The following MAPK8IP3 variants were observed in gnomAD, a reference collection of about 807,000 sequenced individuals.
The protein encoded by MAPK8IP3 is C-Jun-amino-terminal kinase-interacting protein 3.
In MAPK8IP3, 49 loss-of-function variants were observed where a neutral mutation model predicts 157.8. The observed-to-expected ratio is 0.31, with a 90% CI of 0.25 to 0.39. MAPK8IP3 has a LOEUF of 0.39. MAPK8IP3 is among the 10% of genes least tolerant of loss of function. The pLI is 1.00. For missense variants in MAPK8IP3, 1,478 were observed against 1,889.4 expected (o/e 0.78, Z 4.04); for synonymous variants, 897 against 777.7 (o/e 1.15, Z -2.55).
At chr16:1,761,686 C>T (rs1042899001) in intron 13 of MAPK8IP3, among the ~76,000 whole-genome samples, 2 of 150,852 alleles carry the variant, frequency 1.3e-5, no homozygotes, top group East Asian at 1.9e-4. Flanking sequence ...ACAGGCGGGG[C>T]GGCCACCATT....
At position 1,748,308 on chromosome 16, in the gene MAPK8IP3, C is replaced by T. The variant is rs772637865; in HGVS notation, c.1059C>T (p.Asp353=). ...TTATTGACTCCACGCCAGAGCTGGA[C>T]ATGTGTCCAGAGACCCGCCTGGACC... ...QDIIDSTPEL[D]MCPETRLDRT... The change falls in exon 7 of 32, where the codon GAC becomes GAT. Residue 353 remains aspartate, a synonymous_variant. Coordinates refer to ENST00000610761, the MANE Select transcript of MAPK8IP3 (RefSeq NM_001318852.2). 1.2e-6 allele frequency: 2 copies of T among 1,613,958 alleles called. No homozygotes were observed. Among genetic ancestry groups the T allele is most frequent in the Non-Finnish European group, 1.7e-6 (2 of 1,180,026 alleles).
chr16:1,739,459 AGCTT>A (rs1567172806), intron 4 of MAPK8IP3, among the ~76,000 whole-genome samples: 3 of 106,594 alleles, frequency 2.8e-5, no homozygotes, highest in East Asian at 6.4e-4. Flanking sequence ...CGTCCGTGTG[AGCTT>A]CCGTGTGACC....
At chr16:1,737,587 AGCATCCGTGT>A (rs2040089897) in intron 4 of MAPK8IP3, among the ~76,000 whole-genome samples, 1 of 68,542 alleles carries the variant, frequency 1.5e-5, no homozygotes. Flanking sequence ...ACCGTCCGTG[AGCATCCGTGT>A]GAGCGTGTGA....
chr16:1,759,029 T>A (rs777939869), intron 10 of MAPK8IP3, 34 bp downstream of exon 10: 1 of 1,613,308 alleles, frequency 6.2e-7, no homozygotes, highest in Admixed American at 1.7e-5. Context: ...CGTGCGTCGC[T>A]CCTCCACCCC....
At chr16:1,719,884 A>C (rs1258259893) in intron 1 of MAPK8IP3, among the ~76,000 whole-genome samples, 1 of 152,108 alleles carries the variant, frequency 6.6e-6, no homozygotes, top group Non-Finnish European at 1.5e-5. Flanking sequence ...AAAAGAAAGA[A>C]ATGTTGAGAG....
At chr16:1,730,123 C>T (rs2039206632) in intron 4 of MAPK8IP3, among the ~76,000 whole-genome samples, 1 of 151,510 alleles carries the variant, frequency 6.6e-6, no homozygotes, top group African/African-American at 2.4e-5. Context: ...GACATACTGC[C>T]TCAAATAACT....
chr16:1,736,977 C>T (rs1596639763), intron 4 of MAPK8IP3, among the ~76,000 whole-genome samples: 1 of 60,854 alleles, frequency 1.6e-5, no homozygotes, highest in Admixed American at 2.6e-4. Context: ...TGTGACCGTC[C>T]GTGTGAGCAT....
At chr16:1,755,992 C>A (rs1424851909) in intron 8 of MAPK8IP3, among the ~76,000 whole-genome samples, 3 of 151,956 alleles carry the variant, frequency 2.0e-5, no homozygotes, top group Non-Finnish European at 4.4e-5. Context: ...ATAAGACAAT[C>A]GAGGCTGACT....
At chr16:1,732,427 T>C (rs886708269) in intron 4 of MAPK8IP3, among the ~76,000 whole-genome samples, 2 of 152,184 alleles carry the variant, frequency 1.3e-5, no homozygotes, top group Non-Finnish European at 1.5e-5. Context: ...ACGTTCTGGA[T>C]GATACAGAAG....
At chr16:1,765,903 A>G (rs1178059714) in intron 20 of MAPK8IP3, 57 bp from the exon 21 acceptor site, 1 of 1,488,466 alleles carries the variant, frequency 6.7e-7, no homozygotes, top group African/African-American at 1.4e-5. Flanking sequence ...AGTGCTGGGC[A>G]CGCCCTTGCA....
Position 1,770,303 on chromosome 16 carries a change from T to C in MAPK8IP3, c.*1479T>C, listed in dbSNP as rs577337507. On this transcript the variant is annotated 3_prime_UTR_variant, in exon 32 of 32. Transcript: ENST00000610761. ...ACATATCTGCTCTGTATGTAATAAA[T>C]GTCTTAACGTCGTAGCTGCCTGTTC... The C allele has an allele frequency of 7.8e-6, 2 of 256,010 alleles. No homozygotes were observed. 15.9% of individuals were successfully genotyped at this position (256,010 alleles called of 1,614,324 possible). A position where few individuals can be genotyped will look rare whatever the true frequency, so the allele number is the denominator to read the frequency against.
chr16:1,762,569 T>C (rs999507742), intron 14 of MAPK8IP3, 88 bp downstream of exon 14: 1 of 1,576,392 alleles, frequency 6.3e-7, no homozygotes, highest in Non-Finnish European at 8.6e-7. Flanking sequence ...CCCTGTCTTC[T>C]GGGGGGACTG....
chr16:1,762,539 C>T (rs565856237), intron 14 of MAPK8IP3, 58 bp downstream of exon 14: 53 of 1,599,506 alleles, frequency 3.3e-5, no homozygotes, highest in Middle Eastern at 1.7e-4. Context: ...GGCAGGACTG[C>T]GGCTCCCTCC....
At chr16:1,713,081 G>T (rs188116922) in intron 1 of MAPK8IP3, among the ~76,000 whole-genome samples, 1 of 152,324 alleles carries the variant, frequency 6.6e-6, no homozygotes, top group African/African-American at 2.4e-5. Flanking sequence ...ACCAAACTGT[G>T]CAGTTCCGGA....
chr16:1,747,340 T>C, intron 6 of MAPK8IP3, 65 bp downstream of exon 6: 2 of 1,575,478 alleles, frequency 1.3e-6, no homozygotes, highest in South Asian at 1.2e-5. Context: ...TTTGGGTAGA[T>C]GTGAAACTAA....
At position 1,743,572 on chromosome 16, in the gene MAPK8IP3, G is replaced by A. The variant is rs1034738329; in HGVS notation, c.747+96G>A. 7.0e-5 allele frequency: 106 copies of A among 1,507,998 alleles called. No homozygotes were observed. Among genetic ancestry groups the A allele is most frequent in the Admixed American group, 1.6e-4 (7 of 43,526 alleles). The allele number at this position is 1,507,998 out of a possible 1,614,324, so 93.4% of individuals were successfully genotyped here. On this transcript the variant is annotated intron_variant, in intron 5 of 31. Transcript: ENST00000610761. This position sits in a 1 kb window ranked among gnomAD's most constrained non-coding sequence, Gnocchi z 5.6. ...GCCTCGTCTGCAGGCAGCCCTTCACGGCTCTCTGGGCCACTCGCCCTCTCC... is the reference window on the plus strand; with the variant it reads ...GCCTCGTCTGCAGGCAGCCCTTCACAGCTCTCTGGGCCACTCGCCCTCTCC...
chr16:1,764,773 T>G (rs2042159157), intron 19 of MAPK8IP3, among the ~76,000 whole-genome samples: 1 of 152,184 alleles, frequency 6.6e-6, no homozygotes, highest in African/African-American at 2.4e-5. Flanking sequence ...CTTAGTTTTA[T>G]GCCCAGCTTG....
chr16:1,760,480 G>T lies in MAPK8IP3; in HGVS notation c.1405G>T (p.Ala469Ser). Residue 469 changes from alanine (A) to serine (S), a missense_variant, in exon 12 of 32, where the codon GCC (alanine) becomes TCC (serine). By Grantham distance (99) the Ala-to-Ser change is moderately conservative. Coordinates refer to ENST00000610761, the MANE Select transcript of MAPK8IP3 (RefSeq NM_001318852.2). ...LRGELEAAKQ[A>S]KVKLENRIKE... ...GGGCGAGTTGGAGGCTGCTAAGCAGGCCAAAGTCAAGCTGGAAAACCGTAT... is the reference window on the plus strand; with the variant it reads ...GGGCGAGTTGGAGGCTGCTAAGCAGTCCAAAGTCAAGCTGGAAAACCGTAT... The T allele has an allele frequency of 6.2e-7, 1 of 1,613,924 alleles. No homozygotes were observed. Among genetic ancestry groups the T allele is most frequent in the Non-Finnish European group, 8.5e-7 (1 of 1,179,884 alleles).
chr16:1,744,110 C>A, intron 5 of MAPK8IP3: 7 of 985,840 alleles, frequency 7.1e-6, no homozygotes, highest in Non-Finnish European at 7.2e-6. Flanking sequence ...GCACAGGGGC[C>A]CAGAGCCAGG....
Sources: gnomAD v4.1 joint callset for allele counts (sites outside exome capture counted in the v4.1 genomes callset) on GRCh38, gnomAD v4.1.1 for gene constraint, Gnocchi (gnomAD v3.1) non-coding constraint, MANE v1.5 for transcripts, NCBI Gene and HGNC (gene_info 2026-07-23, HGNC 2026-07-21) for gene names.